The following CACHD1 variants were observed in gnomAD, a reference collection of about 807,000 sequenced individuals.
CACHD1 encodes VWFA and cache domain-containing protein 1.
A neutral mutation model predicts 138.7 loss-of-function variants in CACHD1; 71 were observed. The ratio of observed to expected loss-of-function variants is 0.51; its 90% CI spans 0.42 to 0.62. The LOEUF (loss-of-function observed/expected upper bound fraction) is 0.62. Among genes scored for constraint, CACHD1 ranks in the 20% least tolerant of loss-of-function variants. The pLI, the probability that CACHD1 is intolerant of heterozygous loss-of-function variation, is 0.00. For synonymous variants in CACHD1, 578 were observed against 591.5 expected (o/e 0.98, Z 0.33); for missense variants, 1,389 against 1,625.3 (o/e 0.85, Z 2.50).
At position 64,608,733 on chromosome 1, in the gene CACHD1, C is replaced by A. The variant is rs145648946; in HGVS notation, c.517+5821C>A. ...GGTAATGTTTTGCTCAGGTTCTTTC[C>A]TGCTTTTATCCCTACTTTCTCACTC... On this transcript the variant is annotated intron_variant, in intron 4 of 26. Transcript: ENST00000651257. Among the ~76,000 whole-genome samples the A allele has an allele frequency of 2.0e-5, 3 of 152,244 alleles. No individual in the cohort carries two copies. The East Asian group carries it at 5.8e-4, about 29-fold the overall frequency.
chr1:64,547,875 T>A (rs1220222003), intron 1 of CACHD1, among the ~76,000 whole-genome samples: 1 of 152,218 alleles, frequency 6.6e-6, no homozygotes, highest in East Asian at 1.9e-4. Context: ...ACACATCCCC[T>A]TTCACTTCTG....
intron 2 of CACHD1, among the ~76,000 whole-genome samples, chr1:64,565,783 A>AC (rs1241438156): frequency 6.6e-6 from 1 of 152,216 alleles, no homozygotes; most frequent in Non-Finnish European, 1.5e-5. Context: ...AGGTATTATT[A>AC]TCCTATTTTC....
At chr1:64,620,162 C>G (rs2100613724) in intron 4 of CACHD1, among the ~76,000 whole-genome samples, 1 of 152,134 alleles carries the variant, frequency 6.6e-6, no homozygotes, top group African/African-American at 2.4e-5. Flanking sequence ...CATAGGCCTT[C>G]AATGTTTTAA....
At chr1:64,628,365 C>T (rs1292301922) in intron 4 of CACHD1, among the ~76,000 whole-genome samples, 3 of 152,110 alleles carry the variant, frequency 2.0e-5, no homozygotes. Context: ...TTGTTTTGTG[C>T]TCGTCTTTGT....
chr1:64,664,243 G>A (rs879268375), intron 14 of CACHD1: 16 of 535,368 alleles, frequency 3.0e-5, no homozygotes, highest in Non-Finnish European at 4.6e-5. Flanking sequence ...TTAATGACTC[G>A]CTATAGGATT....
chr1:64,606,445 G>A (rs1229059179), intron 4 of CACHD1, among the ~76,000 whole-genome samples: 8 of 152,280 alleles, frequency 5.3e-5, no homozygotes, highest in African/African-American at 1.9e-4. Flanking sequence ...CTGTGGTGGT[G>A]TGAAAGAGCT....
chr1:64,522,340 C>T (rs1258956939), intron 1 of CACHD1, among the ~76,000 whole-genome samples: 1 of 151,764 alleles, frequency 6.6e-6, no homozygotes, highest in Non-Finnish European at 1.5e-5. Flanking sequence ...ATGAAGCTCG[C>T]TGTGTCTCCC....
At chr1:64,686,469 A>G (rs1650375163) in intron 26 of CACHD1, among the ~76,000 whole-genome samples, 1 of 152,350 alleles carries the variant, frequency 6.6e-6, no homozygotes. Flanking sequence ...CCAATTGAGA[A>G]TGTTTTTTGA....
intron 1 of CACHD1, among the ~76,000 whole-genome samples, chr1:64,475,330 T>C (rs1646168906): frequency 6.6e-6 from 1 of 151,860 alleles, no homozygotes; most frequent in African/African-American, 2.4e-5. Context: ...CACACCCTGC[T>C]AATTTTGTAA....
Position 64,682,126 on chromosome 1 carries a change from A to C in CACHD1, c.3586+20A>C. 2 of 1,606,272 alleles carry C rather than the reference A, an allele frequency of 1.2e-6. No homozygotes were observed. Among genetic ancestry groups the C allele is most frequent in the Non-Finnish European group, 1.7e-6 (2 of 1,172,942 alleles). ...ATCATGGTAAGGTCTAGCTTCCTGC[A>C]TTTGAAGACCCAAGGAACCTCATGT... is the stretch of plus-strand genomic sequence containing the variant. On this transcript the variant is annotated intron_variant, in intron 26 of 26. Transcript: ENST00000651257.
intron 14 of CACHD1, 67 bp downstream of exon 14, chr1:64,663,904 G>C (rs371217866): frequency 5.0e-6 from 8 of 1,597,380 alleles, no homozygotes; most frequent in Non-Finnish European, 6.8e-6. Context: ...GGTGCTGGCA[G>C]TGAACCTTTG....
chr1:64,514,484 T>C (rs918341850), intron 1 of CACHD1, among the ~76,000 whole-genome samples: 2 of 152,176 alleles, frequency 1.3e-5, no homozygotes, highest in African/African-American at 4.8e-5. Flanking sequence ...AGCTTTAACA[T>C]TGTAACAAAG....
At chr1:64,638,220 T>C (rs2100652771) in intron 7 of CACHD1, among the ~76,000 whole-genome samples, 1 of 152,334 alleles carries the variant, frequency 6.6e-6, no homozygotes, top group East Asian at 1.9e-4. Flanking sequence ...GTAAACTCTA[T>C]ACATCACTAT....
At chr1:64,660,297 T>G (rs1375113276) in intron 13 of CACHD1, among the ~76,000 whole-genome samples, 2 of 152,154 alleles carry the variant, frequency 1.3e-5, no homozygotes, top group Non-Finnish European at 2.9e-5. Context: ...TTTTATTTCC[T>G]TTGCATATCT....
intron 1 of CACHD1, among the ~76,000 whole-genome samples, chr1:64,496,139 T>G (rs1646305376): frequency 2.0e-5 from 3 of 152,234 alleles, no homozygotes; most frequent in Admixed American, 6.5e-5. Flanking sequence ...AGTGCTTATT[T>G]GAACTACATT....
intron 1 of CACHD1, among the ~76,000 whole-genome samples, chr1:64,498,362 A>G (rs1293945801): frequency 6.6e-6 from 1 of 152,222 alleles, no homozygotes; most frequent in Non-Finnish European, 1.5e-5. Context: ...CGAAACTGAA[A>G]TACTGTGTTT....
rs543311428 is a variant in CACHD1, at chr1:64,640,402, GTGGTGGCTCACGCCTGT to G, written c.1007-1417_1007-1401del. On this transcript the variant is annotated intron_variant, in intron 7 of 26. Coordinates refer to ENST00000651257, the MANE Select transcript of CACHD1 (RefSeq NM_020925.4). ...CTAAAAATTTTTATTGAGGCCAGGCGTGGTGGCTCACGCCTGTAATCCCAGCATTTTGGGAGGCCAAG... is the reference window on the plus strand; with the variant it reads ...CTAAAAATTTTTATTGAGGCCAGGCGAATCCCAGCATTTTGGGAGGCCAAG... Among the ~76,000 whole-genome samples the G allele has an allele frequency of 9.5e-3, 1,443 of 152,254 alleles. 28 individuals carry two copies. The highest frequency in any genetic ancestry group is 0.034 in the African/African-American group (1,392 of 41,532).
chr1:64,689,294 G>A (rs186743001), intron 26 of CACHD1, among the ~76,000 whole-genome samples: 16 of 152,302 alleles, frequency 1.1e-4, no homozygotes, highest in East Asian at 3.9e-4. Context: ...AACAAAATGT[G>A]TCTTCTTTCC....
At position 64,496,506 on chromosome 1, in the gene CACHD1, G is replaced by T. The variant is rs907880202; in HGVS notation, c.198+25564G>T. Among the ~76,000 whole-genome samples the T allele has an allele frequency of 2.0e-5, 3 of 152,036 alleles. No homozygotes were observed. The South Asian group carries it at 6.2e-4, about 32-fold the overall frequency. On this transcript the variant is annotated intron_variant, in intron 1 of 26. Coordinates refer to ENST00000651257, the MANE Select transcript of CACHD1 (RefSeq NM_020925.4). ...CAACCTTCCCAGTCTAATTTTCTAG[G>T]ATTATTTGCTGACTCAAATTTTTCC...
Sources: gnomAD v4.1 joint callset for allele counts (sites outside exome capture counted in the v4.1 genomes callset) on GRCh38, gnomAD v4.1.1 for gene constraint, MANE v1.5 for transcripts, NCBI Gene and HGNC (gene_info 2026-07-23, HGNC 2026-07-21) for gene names.